Variants in DNAAF4 observed in about 807,000 individuals in gnomAD.
DNAAF4 encodes the protein dynein assembly factor 4, axonemal.
A neutral mutation model predicts 51.8 loss-of-function variants in DNAAF4; 43 were observed. That is an observed-to-expected ratio of 0.83 (90% CI 0.65 to 1.07). DNAAF4 has a LOEUF of 1.07. DNAAF4 is among the 50% of genes least tolerant of loss of function. The pLI, the probability that DNAAF4 is intolerant of heterozygous loss-of-function variation, is 0.00. For missense variants in DNAAF4, 581 were observed against 493.0 expected (o/e 1.18, Z -1.69); for synonymous variants, 194 against 165.6 (o/e 1.17, Z -1.32).
At chr15:55,422,303 A>G (rs1238852069) in intron 7 of DNAAF4, among the ~76,000 whole-genome samples, 1 of 152,168 alleles carries the variant, frequency 6.6e-6, no homozygotes, top group African/African-American at 2.4e-5. Flanking sequence ...GGTTAAGAGA[A>G]CATCTGAGGA....
At chr15:55,466,042 G>C (rs913161891) in intron 5 of DNAAF4, among the ~76,000 whole-genome samples, 1 of 152,108 alleles carries the variant, frequency 6.6e-6, no homozygotes, top group African/African-American at 2.4e-5. Flanking sequence ...CACCACTAAA[G>C]AACTTATACA....
At chr15:55,504,096 T>C (rs1226864127) in intron 1 of DNAAF4, among the ~76,000 whole-genome samples, 1 of 152,176 alleles carries the variant, frequency 6.6e-6, no homozygotes, top group African/African-American at 2.4e-5. Context: ...ACAAAATCAA[T>C]GTGCAAAAAT....
At chr15:55,483,300 T>C (rs1418425079) in intron 4 of DNAAF4, among the ~76,000 whole-genome samples, 1 of 151,852 alleles carries the variant, frequency 6.6e-6, no homozygotes, top group African/African-American at 2.4e-5. Flanking sequence ...ATTCACCATA[T>C]TGGCCAGGCT....
chr15:55,497,660 T>G, intron 3 of DNAAF4, 52 bp downstream of exon 3: 1 of 1,549,204 alleles, frequency 6.5e-7, no homozygotes, highest in South Asian at 1.3e-5. Context: ...TTTTAAAAGG[T>G]CTGAAACCGA....
At chr15:55,427,689 G>A (rs2057444229), downstream of DNAAF4, among the ~76,000 whole-genome samples, 1 of 151,324 alleles carries the variant, frequency 6.6e-6, no homozygotes, top group South Asian at 2.1e-4. Flanking sequence ...AGGCTGGAGT[G>A]CAATGGCGCC....
At chr15:55,423,842 A>G (rs2057408182) in intron 7 of DNAAF4, among the ~76,000 whole-genome samples, 1 of 152,176 alleles carries the variant, frequency 6.6e-6, no homozygotes, top group African/African-American at 2.4e-5. Context: ...TAATCCCAGC[A>G]TTTTGGGAGG....
intron 4 of DNAAF4, among the ~76,000 whole-genome samples, chr15:55,472,829 C>G (rs1301417574): frequency 6.6e-6 from 1 of 151,932 alleles, no homozygotes; most frequent in Non-Finnish European, 1.5e-5. Flanking sequence ...TCTTTATAAG[C>G]CAATCCCACT....
intron 4 of DNAAF4, among the ~76,000 whole-genome samples, chr15:55,488,684 G>A (rs1351573456): frequency 6.6e-6 from 1 of 152,180 alleles, no homozygotes; most frequent in African/African-American, 2.4e-5. Flanking sequence ...ACAGGATACT[G>A]GCTTTTGTAG....
rs776826758 is a variant in DNAAF4, at chr15:55,425,157, G to A, written c.1048-7024C>T. 3.9e-5 allele frequency among the ~76,000 whole-genome samples: 6 copies of A among 152,192 alleles called. No individual in the cohort carries two copies. The East Asian group carries it at 9.6e-4, about 24-fold the overall frequency. ...TGGGATTACAGGCGTGAGCCATCAC[G>A]CTCAGCCACATACTTTGCTCTTAAG... On this transcript the variant is annotated intron_variant, in intron 7 of 7. Coordinates refer to the DNAAF4 transcript ENST00000448430.
chr15:55,430,921 C>CT (rs549010089), intron 9 of DNAAF4, 142 bp from the exon 10 acceptor site: 12,133 of 535,968 alleles, frequency 0.023, 1 homozygote, highest in South Asian at 0.031. Context: ...AGATTCCCAT[C>CT]TTTTTTTTTT....
intron 6 of DNAAF4, chr15:55,442,876 A>C: frequency 6.2e-7 from 1 of 1,612,410 alleles, no homozygotes; most frequent in Non-Finnish European, 8.5e-7. Context: ...AGTAGCATCA[A>C]TCATGGTTGC....
chr15:55,477,847 T>C lies in DNAAF4; in HGVS notation c.406-10686A>G, dbSNP rs1450174794. Among the ~76,000 whole-genome samples the C allele has an allele frequency of 2.6e-5, 4 of 151,710 alleles. No homozygotes were observed. In the East Asian group the frequency reaches 5.8e-4, roughly 22 times the overall value. On this transcript the variant is annotated intron_variant, in intron 4 of 9. Coordinates refer to ENST00000321149, the MANE Select transcript of DNAAF4 (RefSeq NM_130810.4). ...TCAGGAGGCTGAGGCAGGTGGATCATTTAAGGTCAGGAATTTGAGATCCAT... is the reference window on the plus strand; with the variant it reads ...TCAGGAGGCTGAGGCAGGTGGATCACTTAAGGTCAGGAATTTGAGATCCAT...
chr15:55,468,557 A>G (rs628438), intron 4 of DNAAF4, among the ~76,000 whole-genome samples: 143,416 of 152,226 alleles, frequency 0.94, 68,173 homozygotes, highest in East Asian at 1. Flanking sequence ...TGAACACTCC[A>G]TGTTAGAGAG....
In DNAAF4 at chr15:55,423,731, T is replaced by C. The variant is rs1425426109; in HGVS notation, c.1048-5598A>G. Among the ~76,000 whole-genome samples, 5 of 152,092 alleles carry C rather than the reference T, an allele frequency of 3.3e-5. No individual in the cohort carries two copies. In the East Asian group the frequency reaches 7.7e-4, roughly 23 times the overall value. ...ACTTTGGGAGGCTAAGGCCGGTGGA[T>C]CACTTAAGATAAGGAGTGCGAGACC... On this transcript the variant is annotated intron_variant, in intron 7 of 7. Coordinates refer to the DNAAF4 transcript ENST00000448430.
chr15:55,503,653 A>G (rs1050504723), intron 1 of DNAAF4, among the ~76,000 whole-genome samples: 45 of 152,188 alleles, frequency 3.0e-4, no homozygotes, highest in African/African-American at 1.1e-3. Context: ...CCATCACATA[A>G]ACAGAACCAA....
Position 55,443,458 on chromosome 15 carries a change from T to G in DNAAF4, c.784-3877A>C, listed in dbSNP as rs373116644. 25 of 576,594 alleles carry G rather than the reference T, an allele frequency of 4.3e-5. 1 individual carries two copies. The highest frequency in any genetic ancestry group is 3.4e-4 in the Admixed American group (11 of 32,076). The allele number at this position is 576,594 out of a possible 1,614,324, so 35.7% of individuals were successfully genotyped here. ...AATCCAGTCTATCATTGATGGACAT[T>G]TGGGTTGGTTCCAAGTCTTTGCTAT... On this transcript the variant is annotated intron_variant, in intron 6 of 9. Transcript: ENST00000321149.
intron 4 of DNAAF4, among the ~76,000 whole-genome samples, chr15:55,472,506 T>C (rs1202451813): frequency 6.6e-6 from 1 of 151,328 alleles, no homozygotes; most frequent in Non-Finnish European, 1.5e-5. Context: ...TAATCCCAGC[T>C]ACTTGGGAGG....
rs1412700339 is a variant in DNAAF4, at chr15:55,449,494, C to G, written c.783+728G>C. 4.0e-5 allele frequency among the ~76,000 whole-genome samples: 6 copies of G among 149,342 alleles called. No homozygotes were observed. The Admixed American group carries it at 4.0e-4, about 10-fold the overall frequency. On this transcript the variant is annotated intron_variant, in intron 6 of 9. Transcript: ENST00000321149. Reference sequence around the variant, plus strand: ...CCTGACCAACATGGTGAAACCCCATCTCTACTAAAAATATAAAAAATTAGC... The same window carrying G: ...CCTGACCAACATGGTGAAACCCCATGTCTACTAAAAATATAAAAAATTAGC...
intron 7 of DNAAF4, among the ~76,000 whole-genome samples, chr15:55,438,351 C>A (rs2057651266): frequency 2.9e-5 from 4 of 137,882 alleles, no homozygotes; most frequent in African/African-American, 1.1e-4. Context: ...GACTTTGTCT[C>A]AAAAAAAAAA....
Sources: allele counts gnomAD v4.1 joint callset (sites outside exome capture counted in the v4.1 genomes callset), GRCh38; gene constraint gnomAD v4.1.1; transcripts MANE v1.5; gene names NCBI Gene and HGNC (gene_info 2026-07-23, HGNC 2026-07-21).